MYRIP: variants seen among roughly 807,000 people sequenced by gnomAD.
MYRIP encodes myosin VIIA and Rab interacting protein.
In MYRIP, 49 loss-of-function variants were observed where a neutral mutation model predicts 98.0. The observed-to-expected ratio is 0.50, with a 90% CI of 0.40 to 0.63. The LOEUF is 0.63. Ranked by LOEUF, MYRIP falls within the 30% of genes least tolerant of loss-of-function variation. The pLI is 0.00. For missense variants in MYRIP, 1,004 were observed against 1,058.2 expected (o/e 0.95, Z 0.71); for synonymous variants, 404 against 409.5 (o/e 0.99, Z 0.16).
intron 1 of MYRIP, among the ~76,000 whole-genome samples, chr3:39,840,844 G>C (rs1941778199): frequency 6.6e-6 from 1 of 152,202 alleles, no homozygotes; most frequent in Admixed American, 6.5e-5. Flanking sequence ...TTAGTCTGAT[G>C]AGCTTCCCTT....
intron 2 of MYRIP, among the ~76,000 whole-genome samples, chr3:39,987,331 G>A (rs6801583): frequency 0.064 from 9,747 of 152,160 alleles, 667 homozygotes; most frequent in African/African-American, 0.16. Flanking sequence ...TGCAAACGAC[G>A]TGATGTCATT....
chr3:40,004,351 A>G (rs554972480), intron 2 of MYRIP, among the ~76,000 whole-genome samples: 27 of 152,140 alleles, frequency 1.8e-4, no homozygotes, highest in Non-Finnish European at 3.5e-4. Flanking sequence ...ACAGGACAAA[A>G]GTGGGGCTGT....
intron 3 of MYRIP, among the ~76,000 whole-genome samples, chr3:40,123,940 G>C (rs1406593571): frequency 6.6e-6 from 1 of 152,192 alleles, no homozygotes; most frequent in African/African-American, 2.4e-5. Flanking sequence ...TCAAGAAAGG[G>C]GGAGAACTGG....
intron 1 of MYRIP, among the ~76,000 whole-genome samples, chr3:39,833,696 T>C (rs1170372509): frequency 6.6e-6 from 1 of 152,150 alleles, no homozygotes; most frequent in Non-Finnish European, 1.5e-5. Context: ...ACATTATTTA[T>C]CTTATGCTTT....
At chr3:40,126,735 A>G (rs1382960980) in intron 3 of MYRIP, among the ~76,000 whole-genome samples, 1 of 152,144 alleles carries the variant, frequency 6.6e-6, no homozygotes, top group Admixed American at 6.5e-5. Flanking sequence ...TTGTACCTTA[A>G]GTTTATTTGA....
chr3:40,237,464 G>A (rs9860881), intron 12 of MYRIP, among the ~76,000 whole-genome samples: 6,130 of 152,232 alleles, frequency 0.04, 286 homozygotes, highest in African/African-American at 0.11. Flanking sequence ...AATATTAGGC[G>A]TTTGGGGCAG....
At chr3:40,249,638 T>C (rs1336823129) in intron 13 of MYRIP, among the ~76,000 whole-genome samples, 1 of 152,200 alleles carries the variant, frequency 6.6e-6, no homozygotes, top group East Asian at 1.9e-4. Flanking sequence ...GCATTCAGAC[T>C]CTGCTGAAAG....
intron 2 of MYRIP, among the ~76,000 whole-genome samples, chr3:39,961,253 C>T (rs965187680): frequency 3.3e-5 from 5 of 151,980 alleles, no homozygotes; most frequent in Admixed American, 1.3e-4. Flanking sequence ...ATGGTGTTTA[C>T]AGGTGGAAGG....
At chr3:40,096,290 C>G (rs1948834006) in intron 3 of MYRIP, among the ~76,000 whole-genome samples, 1 of 152,160 alleles carries the variant, frequency 6.6e-6, no homozygotes, top group Admixed American at 6.5e-5. Context: ...CACACAGTCA[C>G]TGTGACAGCG....
chr3:40,076,770 T>C (rs1049372013), intron 3 of MYRIP, among the ~76,000 whole-genome samples: 1 of 152,064 alleles, frequency 6.6e-6, no homozygotes, highest in Non-Finnish European at 1.5e-5. Context: ...TAGAAGGGAT[T>C]TTGGTGGTCA....
At chr3:39,878,004 C>T (rs1020746811) in intron 1 of MYRIP, among the ~76,000 whole-genome samples, 63 of 152,324 alleles carry the variant, frequency 4.1e-4, no homozygotes, top group African/African-American at 1.4e-3. Context: ...CCACCCAGTT[C>T]GAGCTTCCCG....
intron 11 of MYRIP, among the ~76,000 whole-genome samples, chr3:40,218,659 T>TACAC (rs1289296911): frequency 3.9e-3 from 526 of 134,476 alleles, no homozygotes; most frequent in Middle Eastern, 7.8e-3. Flanking sequence ...TATATATACA[T>TACAC]ACACACACAT....
At chr3:40,250,368 C>T (rs1464254684) in intron 14 of MYRIP, 42 bp downstream of exon 14, 1 of 1,612,814 alleles carries the variant, frequency 6.2e-7, no homozygotes, top group Non-Finnish European at 8.5e-7. Flanking sequence ...TGTTACATGG[C>T]TTGGAAAATT....
intron 1 of MYRIP, among the ~76,000 whole-genome samples, chr3:39,845,779 G>T (rs1361963529): frequency 6.6e-6 from 1 of 150,462 alleles, no homozygotes; most frequent in African/African-American, 2.5e-5. Context: ...ACTGATCCAG[G>T]CAGGCCTTTT....
At chr3:39,890,493 T>C (rs1203273482) in intron 1 of MYRIP, among the ~76,000 whole-genome samples, 1 of 152,124 alleles carries the variant, frequency 6.6e-6, no homozygotes, top group Non-Finnish European at 1.5e-5. Flanking sequence ...GTTTTACTTT[T>C]GTGCTTATTT....
intron 2 of MYRIP, among the ~76,000 whole-genome samples, chr3:39,937,990 A>G (rs1944696226): frequency 6.6e-6 from 1 of 152,220 alleles, no homozygotes; most frequent in Admixed American, 6.5e-5. Flanking sequence ...AGTCCAGAGA[A>G]GCAGCTTTCA....
At chr3:40,039,907 A>T (rs1052982904) in intron 2 of MYRIP, among the ~76,000 whole-genome samples, 2 of 152,074 alleles carry the variant, frequency 1.3e-5, no homozygotes, top group Non-Finnish European at 2.9e-5. Context: ...GAATCTGCCC[A>T]TGCCTCCTTC....
chr3:40,015,668 A>G lies in MYRIP; in HGVS notation c.111-28382A>G, dbSNP rs886695492. 7.9e-5 allele frequency among the ~76,000 whole-genome samples: 12 copies of G among 152,340 alleles called. 1 individual carries two copies. The highest frequency in any genetic ancestry group is 2.9e-4 in the African/African-American group (12 of 41,584). On this transcript the variant is annotated intron_variant, in intron 2 of 16. Transcript: ENST00000302541. ...AGCCAGGACAGCCAGGCAGGTTGTCATCATCTGCTGTTCCTCCCTCAGCCC... is the reference window on the plus strand; with the variant it reads ...AGCCAGGACAGCCAGGCAGGTTGTCGTCATCTGCTGTTCCTCCCTCAGCCC...
At chr3:40,245,156 C>G (rs1953150128) in intron 13 of MYRIP, among the ~76,000 whole-genome samples, 1 of 152,154 alleles carries the variant, frequency 6.6e-6, no homozygotes, top group Non-Finnish European at 1.5e-5. Flanking sequence ...TCATGAGGAA[C>G]AGGGAGGATT....
Sources: gnomAD v4.1 joint callset for allele counts (sites outside exome capture counted in the v4.1 genomes callset) on GRCh38, gnomAD v4.1.1 for gene constraint, MANE v1.5 for transcripts, NCBI Gene and HGNC (gene_info 2026-07-23, HGNC 2026-07-21) for gene names.